Variants in PKIB observed in about 807,000 individuals in gnomAD.
The protein encoded by PKIB is cAMP-dependent protein kinase inhibitor beta.
Under a neutral mutation model 4.5 loss-of-function variants are expected in PKIB, and 2 were observed. The observed-to-expected ratio is 0.44, with a 90% CI of 0.18 to 1.39. The LOEUF (loss-of-function observed/expected upper bound fraction) is 1.39. PKIB is among the 40% of genes most tolerant of loss of function. The pLI is 0.27. For missense variants in PKIB, 94 were observed against 92.6 expected (o/e 1.02, Z -0.06); for synonymous variants, 38 against 36.0 (o/e 1.06, Z -0.20).
At chr6:122,655,078 C>A (rs576013513) in intron 2 of PKIB, among the ~76,000 whole-genome samples, 33 of 152,208 alleles carry the variant, frequency 2.2e-4, no homozygotes, top group Non-Finnish European at 3.7e-4. Context: ...ACCTCCACCC[C>A]CAGGGTTCAA....
At chr6:122,517,334 GTTCTTTTA>G in intron 2 of PKIB, among the ~76,000 whole-genome samples, 1 of 152,176 alleles carries the variant, frequency 6.6e-6, no homozygotes, top group South Asian at 2.1e-4. Flanking sequence ...TAAAAATATT[GTTCTTTTA>G]TAAGTCTAAT....
At chr6:122,682,975 G>C (rs1304150352) in intron 3 of PKIB, among the ~76,000 whole-genome samples, 2 of 152,236 alleles carry the variant, frequency 1.3e-5, no homozygotes, top group South Asian at 4.1e-4. Context: ...CATTCACAAG[G>C]GTCCCCGGTT....
Position 122,501,694 on chromosome 6 carries a change from T to C in PKIB, c.-248+23755T>C, listed in dbSNP as rs913114723. On this transcript the variant is annotated intron_variant, in intron 2 of 6. Coordinates refer to the PKIB transcript ENST00000392491. The stretch of plus-strand genomic sequence containing the variant: ...TTTCCCTCCTAGACCTCCAGGCCTA[T>C]GATGGAAGGGGCTACCAGGAACGTC... Among the ~76,000 whole-genome samples, 7 of 152,306 alleles carry C rather than the reference T, an allele frequency of 4.6e-5. 1 individual carries two copies. The highest frequency in any genetic ancestry group is 1.7e-4 in the African/African-American group (7 of 41,568).
intron 2 of PKIB, among the ~76,000 whole-genome samples, chr6:122,579,765 C>T (rs1010487784): frequency 6.6e-6 from 1 of 152,138 alleles, no homozygotes; most frequent in Non-Finnish European, 1.5e-5. Flanking sequence ...AATAAAGCAG[C>T]AACCTCTTCA....
chr6:122,532,668 T>C (rs1303702897), intron 2 of PKIB, among the ~76,000 whole-genome samples: 2 of 152,218 alleles, frequency 1.3e-5, no homozygotes, highest in Admixed American at 6.5e-5. Context: ...GTTTTAAAGG[T>C]TTATCCATGC....
At chr6:122,602,689 C>T (rs539472417) in intron 3 of PKIB, among the ~76,000 whole-genome samples, 11 of 152,032 alleles carry the variant, frequency 7.2e-5, no homozygotes, top group African/African-American at 2.2e-4. Context: ...CCGAGGCAGG[C>T]GGATTGTTTG....
chr6:122,548,558 A>C (rs2114650699), intron 2 of PKIB, among the ~76,000 whole-genome samples: 1 of 152,332 alleles, frequency 6.6e-6, no homozygotes, highest in African/African-American at 2.4e-5. Context: ...TCACATGTAG[A>C]TATTATTCAA....
At chr6:122,477,441 G>A (rs1272117956) in intron 1 of PKIB, among the ~76,000 whole-genome samples, 1 of 152,090 alleles carries the variant, frequency 6.6e-6, no homozygotes, top group Non-Finnish European at 1.5e-5. Context: ...TTTGTAAGAA[G>A]GATAAATGTT....
rs139954260 is a variant in PKIB, at chr6:122,700,985, G to A, written c.-8-16802G>A. On this transcript the variant is annotated intron_variant, in intron 3 of 4. Coordinates refer to ENST00000368452, the MANE Select transcript of PKIB (RefSeq NM_181795.3). ...AGCAGTGCTGAGCCCAGGCATACTG[G>A]CTATGGGTTTTGCATTGGCAAATCA... is the stretch of plus-strand genomic sequence containing the variant. 195 of 163,918 alleles carry A rather than the reference G, an allele frequency of 1.2e-3. 2 individuals carry two copies. Among genetic ancestry groups the A allele is most frequent in the East Asian group, 7.2e-3 (41 of 5,688 alleles). The allele number at this position is 163,918 out of a possible 1,614,324, so 10.2% of individuals were successfully genotyped here. A position where few individuals can be genotyped will look rare whatever the true frequency, so the allele number is the denominator to read the frequency against.
intron 1 of PKIB, among the ~76,000 whole-genome samples, chr6:122,475,226 G>A (rs567525658): frequency 8.5e-5 from 13 of 152,202 alleles, no homozygotes; most frequent in Non-Finnish European, 1.3e-4. Flanking sequence ...TTACAGGCGT[G>A]TACCAAAACG....
At chr6:122,620,477 C>T (rs1023903983) in intron 1 of PKIB, among the ~76,000 whole-genome samples, 2 of 152,186 alleles carry the variant, frequency 1.3e-5, no homozygotes, top group Non-Finnish European at 2.9e-5. Flanking sequence ...TTCAGCTTTC[C>T]ATTGATCAGA....
intron 2 of PKIB, among the ~76,000 whole-genome samples, chr6:122,517,318 G>T (rs1776791281): frequency 6.6e-6 from 1 of 152,112 alleles, no homozygotes; most frequent in Non-Finnish European, 1.5e-5. Flanking sequence ...ATATTAAAGA[G>T]ACTTTTAAAA....
At chr6:122,634,371 T>A (rs929853748) in intron 2 of PKIB, among the ~76,000 whole-genome samples, 1 of 151,888 alleles carries the variant, frequency 6.6e-6, no homozygotes, top group African/African-American at 2.4e-5. Context: ...AATAAATAAA[T>A]AATAAATAAA....
intron 2 of PKIB, among the ~76,000 whole-genome samples, chr6:122,489,411 C>CACAAAAAAAA (rs1313184048): frequency 1.3e-5 from 2 of 152,034 alleles, no homozygotes; most frequent in East Asian, 3.9e-4. Flanking sequence ...CCACACCCAG[C>CACAAAAAAAA]TAATTTTTGT....
At chr6:122,691,154 C>T (rs767073735) in intron 3 of PKIB, among the ~76,000 whole-genome samples, 7 of 151,804 alleles carry the variant, frequency 4.6e-5, no homozygotes, top group Non-Finnish European at 7.4e-5. Context: ...TTATTAAATG[C>T]CTTAAGGTAG....
At chr6:122,530,315 T>C (rs757078167) in intron 2 of PKIB, among the ~76,000 whole-genome samples, 12 of 152,200 alleles carry the variant, frequency 7.9e-5, no homozygotes, top group Non-Finnish European at 1.2e-4. Context: ...ATTCTAATTT[T>C]GGTCACAGAT....
intron 3 of PKIB, among the ~76,000 whole-genome samples, chr6:122,602,646 G>A (rs1774406572): frequency 6.6e-6 from 1 of 152,092 alleles, no homozygotes; most frequent in Non-Finnish European, 1.5e-5. Flanking sequence ...CAGGCGTGGT[G>A]GCACACGCTT....
chr6:122,682,110 C>A (rs950788213), intron 3 of PKIB, among the ~76,000 whole-genome samples: 2 of 152,026 alleles, frequency 1.3e-5, no homozygotes, highest in African/African-American at 4.8e-5. Context: ...TGAACCACCT[C>A]AGAGAAATAG....
At chr6:122,557,819 T>C (rs1043392746) in intron 2 of PKIB, among the ~76,000 whole-genome samples, 1 of 152,198 alleles carries the variant, frequency 6.6e-6, no homozygotes, top group African/African-American at 2.4e-5. Flanking sequence ...AGGATCCTAC[T>C]CCTTATTTGA....
Sources: allele counts gnomAD v4.1 joint callset (sites outside exome capture counted in the v4.1 genomes callset), GRCh38; gene constraint gnomAD v4.1.1; transcripts MANE v1.5; gene names NCBI Gene and HGNC (gene_info 2026-07-23, HGNC 2026-07-21).